The following EPHB4 variants were observed in gnomAD, a reference collection of about 807,000 sequenced individuals.
EPHB4 encodes the protein ephrin type-B receptor 4.
EPHB4 carries 50 observed loss-of-function variants against 110.6 expected under a neutral mutation model. That is an observed-to-expected ratio of 0.45 (90% CI 0.36 to 0.57). The LOEUF (loss-of-function observed/expected upper bound fraction) is 0.57. Among genes scored for constraint, EPHB4 ranks in the 20% least tolerant of loss-of-function variants. The pLI is 0.00. For missense variants in EPHB4, 1,128 were observed against 1,382.1 expected, an observed-to-expected ratio of 0.82 and a Z score of 2.91; for synonymous variants, 592 against 578.4, an observed-to-expected ratio of 1.02 and a Z score of -0.34.
At chr7:100,820,373 C>T (rs567840110) in intron 4 of EPHB4, 77 bp from the exon 5 acceptor site, 9 of 1,498,224 alleles carry the variant, frequency 6.0e-6, no homozygotes, top group East Asian at 4.8e-5. Flanking sequence ...GCTCATGCCT[C>T]GAATCCCAGC....
chr7:100,805,390 C>T (rs939748774), intron 15 of EPHB4, 69 bp from the exon 16 acceptor site: 18 of 1,602,014 alleles, frequency 1.1e-5, no homozygotes, highest in Non-Finnish European at 1.5e-5. Flanking sequence ...TGGAACCCAG[C>T]CTTGCAGAGG....
chr7:100,811,900 G>A (rs983830466), intron 12 of EPHB4, among the ~76,000 whole-genome samples: 1 of 151,492 alleles, frequency 6.6e-6, no homozygotes, highest in African/African-American at 2.4e-5. Flanking sequence ...GGCCGGGCGC[G>A]GTGGCTCACG....
At chr7:100,811,869 TA>T (rs764889610) in intron 12 of EPHB4, among the ~76,000 whole-genome samples, 2,201 of 132,150 alleles carry the variant, frequency 0.017, 13 homozygotes, top group Non-Finnish European at 0.022. Context: ...GACTCTGTCT[TA>T]AAAAAAAAAA....
At chr7:100,818,934 T>A (rs1813150527) in intron 6 of EPHB4, among the ~76,000 whole-genome samples, 1 of 152,064 alleles carries the variant, frequency 6.6e-6, no homozygotes, top group African/African-American at 2.4e-5. Context: ...GACCTTGTGA[T>A]CAGCCTGGCC....
At position 100,806,431 on chromosome 7, in the gene EPHB4, T is replaced by A. The variant is rs1812818844; in HGVS notation, c.2473A>T (p.Ser825Cys). 6.2e-7 allele frequency: 1 copy of A among 1,613,630 alleles called. No homozygotes were observed. The highest frequency in any genetic ancestry group is 1.3e-5 in the African/African-American group (1 of 74,996). ...SFGERPYWDM[S>C]NQDVINAIEQ... ...CACGGGACACTTACGTCCTGATTGC[T>A]CATGTCCCAGTACGGCCTCTCCCCA... Residue 825 changes from serine to cysteine, a missense_variant, in exon 14 of 17, where the codon AGC (serine) becomes TGC (cysteine). Transcript: ENST00000358173.
chr7:100,817,457 G>T, intron 7 of EPHB4, 100 bp from the exon 8 acceptor site: 1 of 1,346,568 alleles, frequency 7.4e-7, no homozygotes, highest in Non-Finnish European at 9.9e-7. Flanking sequence ...TCACTAGCCT[G>T]CCTTGCAACT....
intron 6 of EPHB4, among the ~76,000 whole-genome samples, chr7:100,819,220 C>T (rs952092594): frequency 6.6e-6 from 1 of 152,174 alleles, no homozygotes; most frequent in Non-Finnish European, 1.5e-5. Context: ...TCAAGCAATC[C>T]TCCTGCCTCA....
intron 13 of EPHB4, 72 bp downstream of exon 13, chr7:100,807,293 C>T: frequency 3.3e-6 from 5 of 1,525,216 alleles, no homozygotes; most frequent in South Asian, 2.3e-5. Flanking sequence ...AACCCTCAGC[C>T]TCCCACCTTT....
At chr7:100,817,861 T>TTG (rs1813118516) in intron 7 of EPHB4, among the ~76,000 whole-genome samples, 1 of 111,816 alleles carries the variant, frequency 8.9e-6, no homozygotes, top group Non-Finnish European at 1.7e-5. Flanking sequence ...TTTTTTGCGT[T>TTG]TTTTTTTTTT....
chr7:100,819,513 T>A, intron 6 of EPHB4, 44 bp downstream of exon 6: 9 of 1,520,508 alleles, frequency 5.9e-6, no homozygotes, highest in Non-Finnish European at 6.2e-6. Flanking sequence ...CTCAGTGACA[T>A]CTCTCCCGCC....
chr7:100,804,308 C>CTTTTTT (rs11338293), intron 16 of EPHB4, among the ~76,000 whole-genome samples: 63 of 71,604 alleles, frequency 8.8e-4, no homozygotes, highest in African/African-American at 1.1e-3. Context: ...CTTCACATTT[C>CTTTTTT]TTTTTTTTTT....
chr7:100,818,722 A>T, intron 6 of EPHB4, 78 bp from the exon 7 acceptor site: 2 of 1,479,128 alleles, frequency 1.4e-6, no homozygotes, highest in Non-Finnish European at 1.8e-6. Context: ...TTTTTTTTCG[A>T]GACGGAGTCG....
At chr7:100,810,309 TAC>T (rs2116425313) in intron 12 of EPHB4, among the ~76,000 whole-genome samples, 1 of 151,904 alleles carries the variant, frequency 6.6e-6, no homozygotes, top group South Asian at 2.1e-4. Context: ...TTACAGGAAA[TAC>T]AGAGAGACAA....
In EPHB4 at chr7:100,817,175, C is replaced by A; in HGVS notation, c.1588+17G>T. On this transcript the variant is annotated intron_variant, in intron 8 of 16. Transcript: ENST00000358173. ...GGTCTTTCCAACCCCCACCCTCACC[C>A]CCTTCCCCAGGCTCACCATCCAGTT... 1.3e-6 allele frequency: 2 copies of A among 1,514,024 alleles called. No individual in the cohort carries two copies. Among genetic ancestry groups the A allele is most frequent in the Non-Finnish European group, 1.8e-6 (2 of 1,133,584 alleles). The allele number at this position is 1,514,024 out of a possible 1,614,324, so 93.8% of individuals were successfully genotyped here.
chr7:100,807,464 G>A lies in EPHB4; in HGVS notation c.2235C>T (p.Asn745=). The change falls in exon 13 of 17, where the codon AAC becomes AAT. Residue 745 remains asparagine, a synonymous_variant. Coordinates refer to ENST00000358173, the MANE Select transcript of EPHB4 (RefSeq NM_004444.5). ...SYVHRDLAAR[N]ILVNSNLVCK... is the part of the protein sequence containing the mutation. ...AGACGAGGTTGCTGTTGACTAGGAT[G>A]TTGCGAGCAGCCAGGTCTCGGTGGA... The A allele has an allele frequency of 6.2e-7, 1 of 1,614,022 alleles. No homozygotes were observed. The highest frequency in any genetic ancestry group is 8.5e-7 in the Non-Finnish European group (1 of 1,180,006).
chr7:100,804,256 C>T (rs11771642), intron 16 of EPHB4, among the ~76,000 whole-genome samples: 9,519 of 151,586 alleles, frequency 0.063, 446 homozygotes, highest in Non-Finnish European at 0.093. Flanking sequence ...CCACCTGAGC[C>T]TCCCAAAGTG....
In EPHB4 at chr7:100,806,575, G is replaced by C; in HGVS notation, c.2335-6C>G. 1 of 1,611,188 alleles carries C rather than the reference G, an allele frequency of 6.2e-7. No individual in the cohort carries two copies. Among genetic ancestry groups the C allele is most frequent in the Non-Finnish European group, 8.5e-7 (1 of 1,178,560 alleles). On this transcript the variant is annotated splice_region_variant and splice_polypyrimidine_tract_variant and intron_variant, in intron 13 of 16. Coordinates refer to ENST00000358173, the MANE Select transcript of EPHB4 (RefSeq NM_004444.5). Reference sequence around the variant, plus strand: ...CGGATGGGAATCTTTCCTCCCTGCAGAAAAAGGAGAAAAGGTGAGCTGGGG... The same window carrying C: ...CGGATGGGAATCTTTCCTCCCTGCACAAAAAGGAGAAAAGGTGAGCTGGGG...
At chr7:100,819,938 T>G (rs1584663833) in intron 5 of EPHB4, 49 bp from the exon 6 acceptor site, 1 of 1,508,266 alleles carries the variant, frequency 6.6e-7, no homozygotes, top group Non-Finnish European at 8.9e-7. Flanking sequence ...TCTGCGGTGG[T>G]GGGGAGAGGG....
intron 12 of EPHB4, among the ~76,000 whole-genome samples, chr7:100,808,784 A>G (rs1205995029): frequency 1.3e-5 from 2 of 152,210 alleles, no homozygotes; most frequent in African/African-American, 4.8e-5. Context: ...GCAGCCCTAC[A>G]GAACCAGGGA....
Sources: gnomAD v4.1 joint callset for allele counts (sites outside exome capture counted in the v4.1 genomes callset) on GRCh38, gnomAD v4.1.1 for gene constraint, MANE v1.5 for transcripts, NCBI Gene and HGNC (gene_info 2026-07-23, HGNC 2026-07-21) for gene names.